The following MEIS3 variants were observed in gnomAD, a reference collection of about 807,000 sequenced individuals.
MEIS3 encodes the protein homeobox protein Meis3.
Under a neutral mutation model 51.4 loss-of-function variants are expected in MEIS3, and 38 were observed. The observed-to-expected ratio is 0.74, with a 90% CI of 0.57 to 0.97. The LOEUF (loss-of-function observed/expected upper bound fraction) is 0.97, where lower values mean the gene tolerates loss of function less well. Among genes scored for constraint, MEIS3 ranks in the 50% least tolerant of loss-of-function variants. MEIS3 has a pLI of 0.00. For missense variants in MEIS3, 456 were observed against 502.6 expected (o/e 0.91, Z 0.89); for synonymous variants, 198 against 201.8 (o/e 0.98, Z 0.16).
At chr19:47,413,828 T>C (rs1172526107) in intron 6 of MEIS3, among the ~76,000 whole-genome samples, 2 of 151,376 alleles carry the variant, frequency 1.3e-5, no homozygotes, top group Non-Finnish European at 2.9e-5. Context: ...CCCGGGTTCA[T>C]GCCATTCTCC....
Position 47,409,236 on chromosome 19 carries a change from C to A in MEIS3, c.721G>T (p.Asp241Tyr). ...GAACTGGGAGAGGCCACGCTGGTGT[C>A]CAGCCCGTCTCCTGAGGGAAGGCAG... is the stretch of plus-strand genomic sequence containing the variant. Reference protein sequence around the residue: ...DNSSDQGDGLDTSVASPSSGG... With the variant: ...DNSSDQGDGLYTSVASPSSGG... Residue 241 changes from aspartate (D) to tyrosine (Y), a missense_variant, in exon 8 of 13, where the codon GAC becomes TAC. Transcript: ENST00000558555. The A allele has an allele frequency of 1.2e-6, 2 of 1,611,658 alleles. No individual in the cohort carries two copies. The highest frequency in any genetic ancestry group is 1.7e-6 in the Non-Finnish European group (2 of 1,179,296).
In MEIS3 at chr19:47,406,956, A is replaced by G; in HGVS notation, c.1010T>C (p.Phe337Ser). ...QSNRTGQGAA[F>S]SPEGQPIGGY... ...CCCGATGGGCTGGCCCTCTGGGCTG[A>G]AGGCTGCACCCTGCCCTGCGAAGGG... Residue 337 changes from phenylalanine (F) to serine (S), a missense_variant, in exon 11 of 13, where the codon TTC (phenylalanine) becomes TCC (serine). Transcript: ENST00000558555. 1 of 1,577,812 alleles carries G rather than the reference A, an allele frequency of 6.3e-7. No individual in the cohort carries two copies. The highest frequency in any genetic ancestry group is 1.2e-5 in the South Asian group (1 of 86,276).
upstream of MEIS3, among the ~76,000 whole-genome samples, chr19:47,420,906 T>TCACACACA (rs1243936482): frequency 1.1e-5 from 1 of 91,666 alleles, no homozygotes; most frequent in East Asian, 2.8e-4. Flanking sequence ...TCTCTCTCTC[T>TCACACACA]CTCTCACACA....
At position 47,411,037 on chromosome 19, in the gene MEIS3, C is replaced by A. The variant is rs146542598; in HGVS notation, c.598-1490G>T. ...ATGCAGCCTCTGCCTCCCAGGTTCA[C>A]GTGATTCTCATGCCTCAGTCTCCCG... is the stretch of plus-strand genomic sequence containing the variant. On this transcript the variant is annotated intron_variant, in intron 6 of 12. Coordinates refer to ENST00000558555, the MANE Select transcript of MEIS3 (RefSeq NM_001301059.2). Among the ~76,000 whole-genome samples the A allele has an allele frequency of 7.2e-3, 1,094 of 152,062 alleles. 13 individuals are homozygous for A. The highest frequency in any genetic ancestry group is 0.025 in the African/African-American group (1,020 of 41,464).
At chr19:47,414,497 C>T (rs926391205) in intron 6 of MEIS3, among the ~76,000 whole-genome samples, 5 of 152,100 alleles carry the variant, frequency 3.3e-5, no homozygotes, top group African/African-American at 1.2e-4. Context: ...TGGGTGGCAT[C>T]TGCAGCCGCT....
intron 9 of MEIS3, 21 bp downstream of exon 9, chr19:47,407,331 G>T (rs1568420112): frequency 6.2e-7 from 1 of 1,605,200 alleles, no homozygotes; most frequent in Non-Finnish European, 8.5e-7. Context: ...GCCGGCCCGC[G>T]GGCCCTCCTG....
At chr19:47,404,753 C>T (rs187766859) in intron 12 of MEIS3, among the ~76,000 whole-genome samples, 471 of 152,332 alleles carry the variant, frequency 3.1e-3, no homozygotes, top group Middle Eastern at 0.01. Context: ...GTCCAACACC[C>T]GCCCCCTGTG....
chr19:47,418,918 T>G (rs1361672489), intron 1 of MEIS3, 152 bp downstream of exon 1: 25 of 411,824 alleles, frequency 6.1e-5, no homozygotes, highest in Non-Finnish European at 9.7e-5. Flanking sequence ...ACACAGGGAC[T>G]GGGAGACCCA....
chr19:47,406,617 G>C, intron 11 of MEIS3, 91 bp from the exon 12 acceptor site: 1 of 1,276,636 alleles, frequency 7.8e-7, no homozygotes, highest in Non-Finnish European at 1.1e-6. Flanking sequence ...TACACCAGGG[G>C]ATCCCTCTAC....
At chr19:47,414,033 C>A (rs976649006) in intron 6 of MEIS3, among the ~76,000 whole-genome samples, 1 of 152,062 alleles carries the variant, frequency 6.6e-6, no homozygotes, top group Non-Finnish European at 1.5e-5. Flanking sequence ...CCGCACCCGG[C>A]CTGGGTTTGA....
intron 12 of MEIS3, 103 bp downstream of exon 12, chr19:47,406,357 G>A: frequency 2.2e-6 from 2 of 889,844 alleles, no homozygotes; most frequent in East Asian, 2.4e-5. Context: ...CACAGTACAG[G>A]GACCCAGGCT....
intron 1 of MEIS3, chr19:47,417,889 C>T: frequency 1.7e-6 from 1 of 593,174 alleles, no homozygotes; most frequent in Non-Finnish European, 3.0e-6. Context: ...CCCACGTGCA[C>T]ACTCATGTGT....
chr19:47,417,652 AAGACAGTGACAG>A, intron 1 of MEIS3: 1 of 702,766 alleles, frequency 1.4e-6, no homozygotes, highest in Non-Finnish European at 2.6e-6. Flanking sequence ...GTGGCGTGAG[AAGACAGTGACAG>A]AGACAGAGAG....
At chr19:47,407,234 G>T in intron 9 of MEIS3, 97 bp from the exon 10 acceptor site, 1 of 1,482,618 alleles carries the variant, frequency 6.7e-7, no homozygotes, top group South Asian at 1.3e-5. Flanking sequence ...CGGCGGGGGA[G>T]GCAGAGCGGG....
intron 6 of MEIS3, among the ~76,000 whole-genome samples, chr19:47,412,540 A>G (rs1015442510): frequency 3.3e-5 from 5 of 151,908 alleles, no homozygotes; most frequent in South Asian, 2.1e-4. Flanking sequence ...GGCGCACGAC[A>G]TAACACCCAG....
chr19:47,420,210 T>C (rs961197908), upstream of MEIS3, among the ~76,000 whole-genome samples: 8 of 152,184 alleles, frequency 5.3e-5, no homozygotes, highest in Non-Finnish European at 7.4e-5. Flanking sequence ...AAAATTAATT[T>C]AAATCACTTT....
chr19:47,407,449 C>A (rs988652786), intron 8 of MEIS3, 21 bp from the exon 9 acceptor site: 7 of 1,613,736 alleles, frequency 4.3e-6, no homozygotes, highest in Non-Finnish European at 5.9e-6. Flanking sequence ...CAGCAAGAGT[C>A]ACTCTGCCTG....
intron 6 of MEIS3, among the ~76,000 whole-genome samples, chr19:47,410,045 G>A (rs977368337): frequency 1.3e-5 from 2 of 151,858 alleles, no homozygotes; most frequent in Admixed American, 6.6e-5. Context: ...GGTGGCTCAC[G>A]CCTGTAATGC....
intron 6 of MEIS3, among the ~76,000 whole-genome samples, chr19:47,410,377 G>T (rs28578940): frequency 1.3e-5 from 2 of 150,926 alleles, no homozygotes; most frequent in African/African-American, 2.4e-5. Flanking sequence ...GAACCCGGGA[G>T]GGGGAGGTTG....
Sources: allele counts gnomAD v4.1 joint callset (sites outside exome capture counted in the v4.1 genomes callset), GRCh38; gene constraint gnomAD v4.1.1; transcripts MANE v1.5; gene names NCBI Gene and HGNC (gene_info 2026-07-23, HGNC 2026-07-21).